ZBBX: variants seen among roughly 807,000 people sequenced by gnomAD.
The protein encoded by ZBBX is zinc finger B-box domain-containing protein 1.
A neutral mutation model predicts 108.5 loss-of-function variants in ZBBX; 101 were observed. That is an observed-to-expected ratio of 0.93 (90% CI 0.79 to 1.10). ZBBX has a LOEUF of 1.10. Among genes scored for constraint, ZBBX ranks in the 50% least tolerant of loss-of-function variants. The pLI is 0.00. For missense variants in ZBBX, 1,009 were observed against 941.4 expected (o/e 1.07, Z -0.94); for synonymous variants, 356 against 323.4 (o/e 1.10, Z -1.08).
rs1016057240 is a variant in ZBBX, at chr3:167,262,795, G to T, written c.2254+19443C>A. On this transcript the variant is annotated intron_variant, in intron 20 of 21. Transcript: ENST00000675490. ...ACTAATGATCCTCTGAATTTCTGAAGTATCAGTTGTAATGTCTTCTTTTTC... is the reference window on the plus strand; with the variant it reads ...ACTAATGATCCTCTGAATTTCTGAATTATCAGTTGTAATGTCTTCTTTTTC... 9.9e-5 allele frequency among the ~76,000 whole-genome samples: 15 copies of T among 152,248 alleles called. No individual in the cohort carries two copies. In the East Asian group the frequency reaches 2.7e-3, roughly 27 times the overall value.
intron 1 of ZBBX, among the ~76,000 whole-genome samples, chr3:167,396,684 C>G (rs1488381783): frequency 6.6e-6 from 1 of 151,872 alleles, no homozygotes; most frequent in African/African-American, 2.4e-5. Flanking sequence ...CTAAAATAGA[C>G]TTGATGATAA....
At chr3:167,214,123 G>A in the ZBBX span, among the ~76,000 whole-genome samples, 717 of 152,060 alleles carry the variant, frequency 4.7e-3, 33 homozygotes, top group East Asian at 0.099. Context: ...AAGCAACCAC[G>A]CAAGTAAGCC....
chr3:167,309,933 C>T (rs1312473072), intron 16 of ZBBX, among the ~76,000 whole-genome samples: 2 of 152,186 alleles, frequency 1.3e-5, no homozygotes, highest in Admixed American at 1.3e-4. Flanking sequence ...TGCTCTGCTT[C>T]CCTTTTAAAC....
intron 16 of ZBBX, among the ~76,000 whole-genome samples, chr3:167,310,963 C>A (rs972755110): frequency 3.3e-5 from 5 of 152,078 alleles, no homozygotes; most frequent in South Asian, 2.1e-4. Flanking sequence ...AAAATCCCCG[C>A]CTTTTTATAG....
chr3:167,288,071 T>G (rs945300526), intron 19 of ZBBX, among the ~76,000 whole-genome samples: 1 of 152,242 alleles, frequency 6.6e-6, no homozygotes, highest in African/African-American at 2.4e-5. Context: ...GGAATATTAC[T>G]TACATATCTC....
chr3:167,311,717 C>CA (rs142174221), intron 16 of ZBBX, among the ~76,000 whole-genome samples: 9,108 of 146,698 alleles, frequency 0.062, 732 homozygotes, highest in African/African-American at 0.19. Context: ...AATTGCAAAT[C>CA]AAAAAAAAAA....
At chr3:167,354,253 C>A (rs1055109689) in intron 8 of ZBBX, among the ~76,000 whole-genome samples, 1 of 151,620 alleles carries the variant, frequency 6.6e-6, no homozygotes, top group African/African-American at 2.4e-5. Flanking sequence ...TATCAGAATT[C>A]GAACTTTGAA....
intron 8 of ZBBX, among the ~76,000 whole-genome samples, chr3:167,359,050 AAAC>A (rs1476012014): frequency 6.6e-6 from 1 of 152,072 alleles, no homozygotes; most frequent in Non-Finnish European, 1.5e-5. Context: ...AAAAATATTG[AAAC>A]AACCCAAATG....
chr3:167,260,596 T>G (rs1332583468), intron 20 of ZBBX, among the ~76,000 whole-genome samples: 1 of 152,214 alleles, frequency 6.6e-6, no homozygotes, highest in East Asian at 1.9e-4. Flanking sequence ...GCTTCAAATT[T>G]CTTCTACTTG....
chr3:167,341,171 A>G (rs1740474435), intron 9 of ZBBX, among the ~76,000 whole-genome samples: 1 of 151,912 alleles, frequency 6.6e-6, no homozygotes, highest in African/African-American at 2.4e-5. Flanking sequence ...TTATTAATTA[A>G]AGATTTATGT....
At chr3:167,183,660 T>G in the ZBBX span, among the ~76,000 whole-genome samples, 1 of 152,238 alleles carries the variant, frequency 6.6e-6, no homozygotes, top group Admixed American at 6.5e-5. Context: ...CTCTGGCTAG[T>G]AATCCGCCAC....
At chr3:167,248,399 C>A (rs1721961063) in intron 20 of ZBBX, among the ~76,000 whole-genome samples, 1 of 152,090 alleles carries the variant, frequency 6.6e-6, no homozygotes, top group Non-Finnish European at 1.5e-5. Context: ...GCAAGGGGTT[C>A]TTCCCCCAGA....
intron 10 of ZBBX, among the ~76,000 whole-genome samples, chr3:167,330,964 T>TCTCTCTCTCTCTCTCC (rs1310209358): frequency 1.4e-5 from 2 of 145,940 alleles, no homozygotes; most frequent in African/African-American, 5.1e-5. Context: ...TCTCTCTCTC[T>TCTCTCTCTCTCTCTCC]CCCCCACTCC....
chr3:167,314,163 T>G (rs755811336), intron 15 of ZBBX, 47 bp from the exon 16 acceptor site: 1 of 1,500,350 alleles, frequency 6.7e-7, no homozygotes, highest in Non-Finnish European at 8.9e-7. Flanking sequence ...AAAAAATGAT[T>G]TTAAAAAGAA....
intron 18 of ZBBX, among the ~76,000 whole-genome samples, chr3:167,292,905 G>T (rs1355157194): frequency 6.6e-6 from 1 of 152,184 alleles, no homozygotes; most frequent in Non-Finnish European, 1.5e-5. Context: ...ACTACCATCA[G>T]AGAATACTAT....
the ZBBX span, among the ~76,000 whole-genome samples, chr3:167,195,724 T>C: frequency 2.0e-5 from 3 of 152,200 alleles, no homozygotes; most frequent in Non-Finnish European, 4.4e-5. Flanking sequence ...AGCCTTTAAA[T>C]GCATCAAATC....
chr3:167,216,785 C>T, the ZBBX span, among the ~76,000 whole-genome samples: 7 of 151,942 alleles, frequency 4.6e-5, no homozygotes, highest in East Asian at 7.7e-4. Flanking sequence ...TATAGACCAA[C>T]GGAACAGAAT....
the ZBBX span, among the ~76,000 whole-genome samples, chr3:167,226,397 C>T: frequency 6.6e-6 from 1 of 151,652 alleles, no homozygotes; most frequent in African/African-American, 2.4e-5. Flanking sequence ...GCTGTCCCTC[C>T]CCTTATTATT....
chr3:167,291,119 T>C (rs960595639), intron 18 of ZBBX, among the ~76,000 whole-genome samples: 3 of 152,086 alleles, frequency 2.0e-5, no homozygotes, highest in Admixed American at 2.0e-4. Context: ...TGGAACCAAG[T>C]TGGGAAACAC....
Sources: gnomAD v4.1 joint callset for allele counts (sites outside exome capture counted in the v4.1 genomes callset) on GRCh38, gnomAD v4.1.1 for gene constraint, MANE v1.5 for transcripts, NCBI Gene and HGNC (gene_info 2026-07-23, HGNC 2026-07-21) for gene names.